The following ZFPM2 variants were observed in gnomAD, a reference collection of about 807,000 sequenced individuals.
The protein encoded by ZFPM2 is zinc finger protein ZFPM2.
Under a neutral mutation model 98.6 loss-of-function variants are expected in ZFPM2, and 20 were observed. The ratio of observed to expected loss-of-function variants is 0.20; its 90% CI spans 0.14 to 0.29. The LOEUF (loss-of-function observed/expected upper bound fraction) is 0.29, where lower values mean the gene tolerates loss of function less well. Ranked by LOEUF, ZFPM2 falls within the 10% of genes least tolerant of loss-of-function variation. The probability of loss-of-function intolerance (pLI) is 1.00; values close to 1 mark genes in which losing one functional copy is unlikely to be tolerated. For missense variants in ZFPM2, 1,310 were observed against 1,388.6 expected (o/e 0.94, Z 0.90); for synonymous variants, 518 against 502.7 (o/e 1.03, Z -0.41).
intron 3 of ZFPM2, among the ~76,000 whole-genome samples, chr8:105,529,660 A>G (rs539814034): frequency 6.6e-6 from 1 of 151,302 alleles, no homozygotes; most frequent in Non-Finnish European, 1.5e-5. Context: ...GGAAGAAATC[A>G]TCCACCAAAT....
intron 3 of ZFPM2, among the ~76,000 whole-genome samples, chr8:105,489,897 TCA>T (rs1197889511): frequency 6.6e-6 from 1 of 152,148 alleles, no homozygotes; most frequent in Non-Finnish European, 1.5e-5. Context: ...CAAAGGGGAC[TCA>T]CAACTAATTA....
At chr8:105,595,224 A>G (rs1435400045) in intron 4 of ZFPM2, among the ~76,000 whole-genome samples, 1 of 152,140 alleles carries the variant, frequency 6.6e-6, no homozygotes, top group Non-Finnish European at 1.5e-5. Flanking sequence ...TTATTGGTTC[A>G]GGACCTAGGT....
chr8:105,488,805 A>C (rs1813290160), intron 3 of ZFPM2, among the ~76,000 whole-genome samples: 1 of 152,248 alleles, frequency 6.6e-6, no homozygotes, highest in African/African-American at 2.4e-5. Context: ...CCAAAGTAAA[A>C]GAATTGGAGG....
chr8:105,372,081 C>T (rs1019588644), intron 1 of ZFPM2, among the ~76,000 whole-genome samples: 1 of 151,434 alleles, frequency 6.6e-6, no homozygotes, highest in Admixed American at 6.6e-5. Context: ...CTTGCTCTGT[C>T]ACCCAGGCTG....
chr8:105,512,739 G>A (rs1181967840), intron 3 of ZFPM2, among the ~76,000 whole-genome samples: 1 of 152,142 alleles, frequency 6.6e-6, no homozygotes, highest in East Asian at 1.9e-4. Flanking sequence ...TTGTTTTTCT[G>A]TAGATTAATT....
At chr8:105,584,849 A>G (rs1379907635) in intron 4 of ZFPM2, among the ~76,000 whole-genome samples, 1 of 152,234 alleles carries the variant, frequency 6.6e-6, no homozygotes, top group East Asian at 1.9e-4. Flanking sequence ...AGATAATAGA[A>G]CTGTTATTTG....
At position 105,712,532 on chromosome 8, in the gene ZFPM2, G is replaced by A. The variant is rs7017101; in HGVS notation, c.533-76186G>A. Among the ~76,000 whole-genome samples, 478 of 151,036 alleles carry A rather than the reference G, an allele frequency of 3.2e-3. 3 individuals carry two copies. Among genetic ancestry groups the A allele is most frequent in the African/African-American group, 0.011 (461 of 41,282 alleles). ...AAGAGCCAGTCATTAAATTTGGGGCGACTACAAGCCATTTTTTTTGTGTTG... is the reference window on the plus strand; with the variant it reads ...AAGAGCCAGTCATTAAATTTGGGGCAACTACAAGCCATTTTTTTTGTGTTG... On this transcript the variant is annotated intron_variant, in intron 5 of 7. Transcript: ENST00000407775.
At chr8:105,732,901 T>G (rs1191108215) in intron 5 of ZFPM2, among the ~76,000 whole-genome samples, 1 of 151,794 alleles carries the variant, frequency 6.6e-6, no homozygotes, top group African/African-American at 2.4e-5. Flanking sequence ...ATGCAGCTTC[T>G]TGTTGTTAAA....
At chr8:105,733,096 A>G (rs1332822818) in intron 5 of ZFPM2, among the ~76,000 whole-genome samples, 8 of 151,934 alleles carry the variant, frequency 5.3e-5, no homozygotes, top group Non-Finnish European at 1.0e-4. Context: ...GAATCCGTTC[A>G]ATATAATAAT....
chr8:105,372,996 G>A (rs1314801788), intron 1 of ZFPM2, among the ~76,000 whole-genome samples: 1 of 152,174 alleles, frequency 6.6e-6, no homozygotes, highest in Non-Finnish European at 1.5e-5. Flanking sequence ...TTATCTCCCA[G>A]TTCATATGCA....
chr8:105,752,867 T>A (rs1812510873), intron 5 of ZFPM2, among the ~76,000 whole-genome samples: 2 of 152,116 alleles, frequency 1.3e-5, no homozygotes, highest in Non-Finnish European at 2.9e-5. Flanking sequence ...CATTTAGAAT[T>A]TCATTAGGAC....
chr8:105,548,993 T>A (rs1253578844), intron 3 of ZFPM2, among the ~76,000 whole-genome samples: 1 of 152,202 alleles, frequency 6.6e-6, no homozygotes, highest in Non-Finnish European at 1.5e-5. Context: ...CTGGGAATAG[T>A]ACTGTCTTCA....
chr8:105,466,539 T>G (rs1483897515), intron 3 of ZFPM2, among the ~76,000 whole-genome samples: 1 of 152,070 alleles, frequency 6.6e-6, no homozygotes, highest in Non-Finnish European at 1.5e-5. Flanking sequence ...CCTTTTAATT[T>G]ACATGTTCAC....
chr8:105,423,853 G>C (rs550833026), intron 2 of ZFPM2, among the ~76,000 whole-genome samples: 3 of 152,210 alleles, frequency 2.0e-5, no homozygotes, highest in South Asian at 2.1e-4. Flanking sequence ...TGGGATTGGC[G>C]TGGAGCAGTT....
At chr8:105,491,940 T>G (rs1192757063) in intron 3 of ZFPM2, among the ~76,000 whole-genome samples, 3 of 152,182 alleles carry the variant, frequency 2.0e-5, no homozygotes, top group Admixed American at 6.5e-5. Flanking sequence ...AATGAAATAT[T>G]TGTTGGAAAT....
intron 4 of ZFPM2, among the ~76,000 whole-genome samples, chr8:105,593,188 A>G (rs1316244075): frequency 6.6e-6 from 1 of 152,152 alleles, no homozygotes; most frequent in Non-Finnish European, 1.5e-5. Flanking sequence ...TGGTATCGAC[A>G]TGAGTGTATA....
chr8:105,669,588 A>C (rs1817551636), intron 5 of ZFPM2, among the ~76,000 whole-genome samples: 1 of 151,604 alleles, frequency 6.6e-6, no homozygotes, highest in African/African-American at 2.4e-5. Flanking sequence ...CTTTGTAAAA[A>C]TCTGGTTGAA....
intron 1 of ZFPM2, among the ~76,000 whole-genome samples, chr8:105,326,163 CAAT>C (rs908508866): frequency 1.3e-5 from 2 of 151,444 alleles, no homozygotes; most frequent in African/African-American, 4.8e-5. Context: ...AAATCCTAAA[CAAT>C]AAGGTGAAGG....
chr8:105,572,475 C>CT (rs924115979), intron 4 of ZFPM2, among the ~76,000 whole-genome samples: 7 of 150,562 alleles, frequency 4.6e-5, no homozygotes, highest in East Asian at 2.0e-4. Flanking sequence ...TAAAGTTGTT[C>CT]TTTTTTTTTG....
Sources: gnomAD v4.1 joint callset for allele counts (sites outside exome capture counted in the v4.1 genomes callset) on GRCh38, gnomAD v4.1.1 for gene constraint, MANE v1.5 for transcripts, NCBI Gene and HGNC (gene_info 2026-07-23, HGNC 2026-07-21) for gene names.